Variants in WDR91 observed in about 807,000 individuals in gnomAD.
WDR91 encodes WD repeat domain 91.
WDR91 carries 52 observed loss-of-function variants against 88.4 expected under a neutral mutation model. The ratio of observed to expected loss-of-function variants is 0.59; its 90% confidence interval spans 0.47 to 0.74. WDR91 has a LOEUF of 0.74. WDR91 is among the 30% of genes least tolerant of loss of function. The pLI, the probability that WDR91 is intolerant of heterozygous loss-of-function variation, is 0.00. For missense variants in WDR91, 824 were observed against 954.5 expected (o/e 0.86, Z 1.80); for synonymous variants, 362 against 389.5 (o/e 0.93, Z 0.83).
chr7:135,188,379 G>T, intron 13 of WDR91, 54 bp downstream of exon 13: 1 of 1,510,432 alleles, frequency 6.6e-7, no homozygotes, highest in Non-Finnish European at 9.2e-7. Context: ...ACAACCTGCA[G>T]CCGGCCCACA....
intron 2 of WDR91, 97 bp downstream of exon 2, chr7:135,209,479 A>C: frequency 8.0e-7 from 1 of 1,242,808 alleles, no homozygotes; most frequent in Admixed American, 2.7e-5. Context: ...TCCCATAGTC[A>C]CATACAGATT....
intron 11 of WDR91, among the ~76,000 whole-genome samples, chr7:135,191,719 T>C (rs1405172394): frequency 6.6e-6 from 1 of 151,934 alleles, no homozygotes; most frequent in Non-Finnish European, 1.5e-5. Context: ...TAAAAAGTAT[T>C]GGTGATGTTC....
intron 6 of WDR91, chr7:135,198,426 C>G (rs908608606): frequency 2.5e-6 from 1 of 401,572 alleles, no homozygotes; most frequent in African/African-American, 2.0e-5. Flanking sequence ...CTAATCGGAA[C>G]AATTTAGTCT....
In WDR91 at chr7:135,186,300, T is replaced by C. The variant is rs371295042; in HGVS notation, c.2095A>G (p.Lys699Glu). ...GVIYKLGGDE[K>E]VLESCLSLGG... is the part of the protein sequence containing the mutation. ...AGGCTCAAGCAGCTCTCCAGAACCT[T>C]CTCATCGCCACCCAGCTGCAAGAGG... The change falls in exon 15 of 15, where the codon AAG becomes GAG. Residue 699 changes from lysine (K) to glutamate (E), a missense_variant. Coordinates refer to ENST00000354475, the MANE Select transcript of WDR91 (RefSeq NM_014149.4). The C allele has an allele frequency of 4.3e-6, 7 of 1,611,548 alleles. No individual in the cohort carries two copies. In the African/African-American group the frequency reaches 8.0e-5, roughly 19 times the overall value.
At chr7:135,208,745 G>T in intron 3 of WDR91, 46 bp downstream of exon 3, 1 of 1,504,600 alleles carries the variant, frequency 6.6e-7, no homozygotes, top group South Asian at 1.3e-5. Context: ...CCTGAGGTCT[G>T]GGTGCCTCAG....
In WDR91 at chr7:135,207,182, A is replaced by C. The variant is rs1288129479; in HGVS notation, c.532T>G (p.Phe178Val). The change falls in exon 4 of 15, where the codon TTT (phenylalanine) becomes GTT (valine). Residue 178 changes from phenylalanine (F) to valine (V), a missense_variant. Physicochemically the swap from Phe to Val is conservative, Grantham distance 50. Coordinates refer to ENST00000354475, the MANE Select transcript of WDR91 (RefSeq NM_014149.4). ...TTAGTCCTCTGACACTCCGCATCAA[A>C]GTTCAGGATCACAGGGACTGGTGCA... ...QCMPVPVILN[F>V]DAECQRTNQV... is the part of the protein sequence containing the mutation. The C allele has an allele frequency of 1.1e-5, 18 of 1,606,804 alleles. No individual in the cohort carries two copies. Among genetic ancestry groups the C allele is most frequent in the Non-Finnish European group, 1.5e-5 (18 of 1,174,984 alleles).
At chr7:135,211,252 G>C in intron 1 of WDR91, 128 bp downstream of exon 1, 2 of 1,402,036 alleles carry the variant, frequency 1.4e-6, no homozygotes, top group Non-Finnish European at 1.9e-6. Context: ...GGTCGGACGC[G>C]CTGAGGTCTC....
rs1304314120 is a variant in WDR91 at position 135,198,287 on chromosome 7, A to T, written c.892-136T>A. ...TGGTTAAAATGGTGTTGGCTCAGCTATGTAGGTGAGGTCATAGTCAGCCCC... is the reference window on the plus strand; with the variant it reads ...TGGTTAAAATGGTGTTGGCTCAGCTTTGTAGGTGAGGTCATAGTCAGCCCC... On this transcript the variant is annotated intron_variant, in intron 6 of 14. Coordinates refer to ENST00000354475, the MANE Select transcript of WDR91 (RefSeq NM_014149.4). 12 of 1,035,462 alleles carry T rather than the reference A, an allele frequency of 1.2e-5. No individual in the cohort carries two copies. In the South Asian group the frequency reaches 1.7e-4, roughly 14 times the overall value. The allele number at this position is 1,035,462 out of a possible 1,614,324, so 64.1% of individuals were successfully genotyped here. A position where few individuals can be genotyped will look rare whatever the true frequency, so the allele number is the denominator to read the frequency against.
intron 14 of WDR91, among the ~76,000 whole-genome samples, chr7:135,186,589 C>T (rs1180065518): frequency 2.0e-5 from 3 of 152,244 alleles, no homozygotes; most frequent in Non-Finnish European, 2.9e-5. Context: ...GCCTCTTGCA[C>T]GCACACTGGT....
chr7:135,202,940 T>A (rs962603815), intron 6 of WDR91, among the ~76,000 whole-genome samples: 3 of 152,202 alleles, frequency 2.0e-5, no homozygotes, highest in African/African-American at 7.2e-5. Flanking sequence ...CAGAACTAAC[T>A]CAGGTACCCA....
chr7:135,191,295 C>T (rs767086842), intron 11 of WDR91, among the ~76,000 whole-genome samples: 2 of 152,164 alleles, frequency 1.3e-5, no homozygotes, highest in Admixed American at 6.5e-5. Context: ...TAGTAATTGA[C>T]ATGATAAAGT....
intron 4 of WDR91, among the ~76,000 whole-genome samples, chr7:135,206,721 GTATA>G (rs1831800364): frequency 6.6e-6 from 1 of 150,834 alleles, no homozygotes; most frequent in Non-Finnish European, 1.5e-5. Context: ...GTGTGTGTGT[GTATA>G]TATAGTTTAT....
intron 1 of WDR91, among the ~76,000 whole-genome samples, chr7:135,210,501 C>T (rs750118435): frequency 1.3e-5 from 2 of 152,238 alleles, no homozygotes; most frequent in African/African-American, 4.8e-5. Flanking sequence ...CTGACTCCTT[C>T]AAGTCATCAA....
Position 135,189,408 on chromosome 7 carries a change from T to C in WDR91, c.1704A>G (p.Thr568=). 6.2e-7 allele frequency: 1 copy of C among 1,613,992 alleles called. No individual in the cohort carries two copies. The highest frequency in any genetic ancestry group is 8.5e-7 in the Non-Finnish European group (1 of 1,179,882). The change falls in exon 12 of 15, where the codon ACA becomes ACG. Residue 568 remains threonine (T), a synonymous_variant. Transcript: ENST00000354475. ...GCAGGTTCCCGTTGTGATTGAAGGCTGTACAGTTGATAGCAATGGGTTCTG... is the reference window on the plus strand; with the variant it reads ...GCAGGTTCCCGTTGTGATTGAAGGCCGTACAGTTGATAGCAATGGGTTCTG... The part of the protein sequence containing the change: ...LDPEPIAINC[T]AFNHNGNLLV...
intron 13 of WDR91, among the ~76,000 whole-genome samples, chr7:135,187,866 AAGAT>A (rs1453705525): frequency 1.3e-5 from 2 of 152,196 alleles, no homozygotes; most frequent in East Asian, 3.8e-4. Context: ...AAGGGATAAA[AAGAT>A]AGACAGTGTC....
Position 135,189,506 on chromosome 7 carries a change from G to A in WDR91, c.1660-54C>T, listed in dbSNP as rs1831083806. ...GCAGATCTTCACTCAGCCCAGGCAC[G>A]CTGCTTATTCCAATGCAGACAGGTG... On this transcript the variant is annotated intron_variant, in intron 11 of 14. Coordinates refer to ENST00000354475, the MANE Select transcript of WDR91 (RefSeq NM_014149.4). 8.1e-6 allele frequency: 12 copies of A among 1,474,450 alleles called. 1 individual carries two copies. Among genetic ancestry groups the A allele is most frequent in the East Asian group, 4.6e-5 (2 of 43,858 alleles). 91.3% of individuals were successfully genotyped at this position (1,474,450 alleles called of 1,614,324 possible). A position where few individuals can be genotyped will look rare whatever the true frequency, so the allele number is the denominator to read the frequency against.
intron 6 of WDR91, among the ~76,000 whole-genome samples, chr7:135,203,491 G>A (rs1028371914): frequency 1.3e-5 from 2 of 152,164 alleles, no homozygotes; most frequent in African/African-American, 4.8e-5. Flanking sequence ...GGGACCCTTG[G>A]CTGTTTTGGA....
chr7:135,209,546 G>C (rs760309268), intron 2 of WDR91, 30 bp downstream of exon 2: 1 of 1,502,586 alleles, frequency 6.7e-7, no homozygotes, highest in Non-Finnish European at 8.9e-7. Flanking sequence ...CTTCCACCAA[G>C]GGAAGCAGAA....
chr7:135,193,848 G>C, intron 9 of WDR91, 176 bp from the exon 10 acceptor site: 1 of 600,704 alleles, frequency 1.7e-6, no homozygotes, highest in Non-Finnish European at 3.0e-6. Context: ...ATTAAACAAA[G>C]ACGTGAGAGC....
Sources: allele counts gnomAD v4.1 joint callset (sites outside exome capture counted in the v4.1 genomes callset), GRCh38; gene constraint gnomAD v4.1.1; transcripts MANE v1.5; gene names NCBI Gene and HGNC (gene_info 2026-07-23, HGNC 2026-07-21).